The following INSC variants were observed in gnomAD, a reference collection of about 807,000 sequenced individuals.
The protein encoded by INSC is INSC spindle orientation adaptor protein.
A neutral mutation model predicts 58.6 loss-of-function variants in INSC; 67 were observed. The ratio of observed to expected loss-of-function variants is 1.14; its 90% confidence interval spans 0.94 to 1.40. INSC has a LOEUF of 1.40. INSC is among the 40% of genes most tolerant of loss of function. INSC has a pLI of 0.00. For missense variants in INSC, 714 were observed against 692.0 expected, an observed-to-expected ratio of 1.03 and a Z score of -0.36; for synonymous variants, 262 against 276.1, an observed-to-expected ratio of 0.95 and a Z score of 0.51.
At chr11:15,180,694 C>CGGGGGGGGGGGGGGGGGGGGGGGGGGGG (rs756237896) in intron 5 of INSC, among the ~76,000 whole-genome samples, 1 of 41,822 alleles carries the variant, frequency 2.4e-5, no homozygotes, top group Admixed American at 2.8e-4. Context: ...AGGGGGGGGG[C>CGGGGGGGGGGGGGGGGGGGGGGGGGGGG]GGGGGGGGGT....
At chr11:15,235,742 A>G (rs1852098687) in intron 10 of INSC, 74 bp downstream of exon 10, 6 of 1,258,074 alleles carry the variant, frequency 4.8e-6, no homozygotes, top group Non-Finnish European at 5.8e-6. Context: ...TGCTTGTGTG[A>G]ATGCCTGTGC....
rs186946888 is a variant in INSC, at chr11:15,202,541, G to A, written c.819+1592G>A. Reference sequence around the variant, plus strand: ...GGACTTGATAAAGGAAATGCATTGAGCATCCTCAACTTCACGTTCTGAATA... The same window carrying A: ...GGACTTGATAAAGGAAATGCATTGAACATCCTCAACTTCACGTTCTGAATA... On this transcript the variant is annotated intron_variant, in intron 7 of 12. Coordinates refer to ENST00000379556, the MANE Select transcript of INSC (RefSeq NM_001042536.3). Among the ~76,000 whole-genome samples, 309 of 152,280 alleles carry A rather than the reference G, an allele frequency of 2.0e-3. 1 individual carries two copies. The highest frequency in any genetic ancestry group is 1.4e-3 in the Non-Finnish European group (98 of 68,024).
chr11:15,210,276 A>T (rs1350026874), intron 7 of INSC, among the ~76,000 whole-genome samples: 1 of 152,040 alleles, frequency 6.6e-6, no homozygotes, highest in African/African-American at 2.4e-5. Context: ...TGGGATTCCT[A>T]GTTCTGCTGG....
intron 2 of INSC, among the ~76,000 whole-genome samples, chr11:15,165,178 T>TA (rs1849152627): frequency 6.6e-6 from 1 of 152,174 alleles, no homozygotes; most frequent in Admixed American, 6.5e-5. Flanking sequence ...GTCATATAGT[T>TA]ACTCTGTCAG....
Position 15,246,008 on chromosome 11 carries a change from C to T in INSC, c.1567C>T (p.Leu523Phe). 6.2e-7 allele frequency: 1 copy of T among 1,614,196 alleles called. No homozygotes were observed. The highest frequency in any genetic ancestry group is 1.1e-5 in the South Asian group (1 of 91,082). Residue 523 changes from leucine (L) to phenylalanine (F), a missense_variant, in exon 13 of 13, where the codon CTC (leucine) becomes TTC (phenylalanine). Physicochemically the swap from Leu to Phe is conservative, Grantham distance 22 (BLOSUM62 0). Coordinates refer to ENST00000379556, the MANE Select transcript of INSC (RefSeq NM_001042536.3). ...VQPRLVDSFL[L>F]CSNMEESFV ...GCCTCGGCTGGTGGACTCCTTCTTA[C>T]TCTGCAGCAACATGGAGGAGAGTTT... is the stretch of plus-strand genomic sequence containing the variant.
At chr11:15,228,665 G>A (rs896809972) in intron 9 of INSC, among the ~76,000 whole-genome samples, 1 of 152,232 alleles carries the variant, frequency 6.6e-6, no homozygotes, top group Admixed American at 6.5e-5. Context: ...AATGCCCCAT[G>A]AGGCTTCCGG....
rs1232975179 is a variant in INSC at position 15,178,327 on chromosome 11, C to A, written c.459C>A (p.Cys153Ter). The part of the protein sequence containing the change: ...CSELSAVTER[C>*]LQVENEHVLK... ...CCCCATGGTTTCTTCTCTTCAGGTG[C>A]CTTCAGGTTGAGAATGAGCATGTCC... is the stretch of plus-strand genomic sequence containing the variant. Residue 153 changes from cysteine (C) to a stop codon, truncating the protein, a stop_gained, in exon 5 of 13, where the codon TGC (cysteine) becomes TGA (stop). Coordinates refer to ENST00000379556, the MANE Select transcript of INSC (RefSeq NM_001042536.3). LOFTEE classifies it high-confidence loss of function. 10 of 1,613,816 alleles carry A rather than the reference C, an allele frequency of 6.2e-6. No individual in the cohort carries two copies. Among genetic ancestry groups the A allele is most frequent in the Non-Finnish European group, 7.6e-6 (9 of 1,180,022 alleles).
chr11:15,156,838 A>G lies in INSC; in HGVS notation c.56+7608A>G, dbSNP rs186655146. Among the ~76,000 whole-genome samples the G allele has an allele frequency of 5.9e-5, 9 of 152,300 alleles. No homozygotes were observed. The East Asian group carries it at 1.7e-3, about 29-fold the overall frequency. ...TCTGACTTTGGAATACCCCTGAGGA[A>G]ATATAGTAGGAAGAACACTGTTTCA... On this transcript the variant is annotated intron_variant, in intron 2 of 12. Transcript: ENST00000379556.
chr11:15,225,308 T>C (rs906688492), intron 8 of INSC, among the ~76,000 whole-genome samples: 1 of 152,218 alleles, frequency 6.6e-6, no homozygotes, highest in Admixed American at 6.5e-5. Flanking sequence ...GCTTATTTTC[T>C]CTTGCCCACT....
chr11:15,217,250 C>T (rs1851253814), intron 7 of INSC, among the ~76,000 whole-genome samples: 1 of 152,108 alleles, frequency 6.6e-6, no homozygotes. Flanking sequence ...GGAGGGGAAG[C>T]CCCTTATAAA....
upstream of INSC, chr11:15,112,585 G>T: frequency 7.8e-7 from 1 of 1,283,358 alleles, no homozygotes; most frequent in Non-Finnish European, 1.1e-6. Flanking sequence ...TGGGAAGGTG[G>T]ATGTGAGTGT....
At chr11:15,256,975 C>T in the INSC span, among the ~76,000 whole-genome samples, 4 of 152,258 alleles carry the variant, frequency 2.6e-5, no homozygotes, top group South Asian at 8.3e-4. Context: ...CAGGGCTCTC[C>T]CAAACCAGAT....
intron 6 of INSC, 77 bp from the exon 7 acceptor site, chr11:15,200,747 G>C: frequency 6.3e-7 from 1 of 1,595,416 alleles, no homozygotes; most frequent in Non-Finnish European, 8.6e-7. Flanking sequence ...TGGCGAATCA[G>C]GGATGTCACT....
chr11:15,206,271 G>A (rs1237484885), intron 7 of INSC, among the ~76,000 whole-genome samples: 6 of 152,288 alleles, frequency 3.9e-5, no homozygotes, highest in South Asian at 2.1e-4. Context: ...TGGGGTTGCC[G>A]GTGTAGGCAG....
intron 1 of INSC, among the ~76,000 whole-genome samples, chr11:15,132,368 C>T (rs1439395814): frequency 6.6e-6 from 1 of 152,180 alleles, no homozygotes; most frequent in Non-Finnish European, 1.5e-5. Context: ...TCACTGCAGC[C>T]TCAACCTCCT....
At chr11:15,241,547 C>A in intron 12 of INSC, 1 of 702,220 alleles carries the variant, frequency 1.4e-6, no homozygotes, top group Non-Finnish European at 2.6e-6. Flanking sequence ...AATGATTCTG[C>A]GTTCCATTCA....
chr11:15,191,456 G>A (rs980964326), intron 6 of INSC, among the ~76,000 whole-genome samples: 1 of 152,112 alleles, frequency 6.6e-6, no homozygotes, highest in Non-Finnish European at 1.5e-5. Flanking sequence ...TGTCCCTGAG[G>A]TCCATGGGAT....
intron 2 of INSC, among the ~76,000 whole-genome samples, chr11:15,154,200 G>T (rs115501414): frequency 0.022 from 3,289 of 152,284 alleles, 61 homozygotes; most frequent in Middle Eastern, 0.034. Context: ...GCACACAGTA[G>T]GATCTCAATA....
chr11:15,202,011 G>C (rs1850612211), intron 7 of INSC, among the ~76,000 whole-genome samples: 1 of 152,152 alleles, frequency 6.6e-6, no homozygotes, highest in Admixed American at 6.5e-5. Context: ...CAGATTATTG[G>C]GACAGGGTCA....
Sources: gnomAD v4.1 joint callset for allele counts (sites outside exome capture counted in the v4.1 genomes callset) on GRCh38, gnomAD v4.1.1 for gene constraint, MANE v1.5 for transcripts, NCBI Gene and HGNC (gene_info 2026-07-23, HGNC 2026-07-21) for gene names.